Variants in NMT2 observed in about 807,000 individuals in gnomAD.
The protein encoded by NMT2 is glycylpeptide N-tetradecanoyltransferase 2.
Under a neutral mutation model 65.4 loss-of-function variants are expected in NMT2, and 35 were observed. The ratio of observed to expected loss-of-function variants is 0.54; its 90% CI spans 0.41 to 0.71. The LOEUF (loss-of-function observed/expected upper bound fraction) is 0.71. Ranked by LOEUF, NMT2 falls within the 30% of genes least tolerant of loss-of-function variation. NMT2 has a pLI of 0.00. For missense variants in NMT2, 489 were observed against 611.3 expected, an observed-to-expected ratio of 0.80 and a Z score of 2.11; for synonymous variants, 226 against 231.8, an observed-to-expected ratio of 0.98 and a Z score of 0.23.
intron 1 of NMT2, chr10:15,155,372 G>T: frequency 1.3e-6 from 1 of 742,096 alleles, no homozygotes; most frequent in Non-Finnish European, 2.3e-6. Flanking sequence ...AGCCTTTTTT[G>T]TTGTGTTTTT....
At chr10:15,157,619 A>G (rs1006363198) in intron 1 of NMT2, among the ~76,000 whole-genome samples, 6 of 152,214 alleles carry the variant, frequency 3.9e-5, no homozygotes, top group Admixed American at 1.3e-4. Flanking sequence ...AGAAGCAAAA[A>G]AGAAAAAAAC....
intron 8 of NMT2, among the ~76,000 whole-genome samples, chr10:15,123,118 T>C (rs776278048): frequency 6.6e-6 from 1 of 152,118 alleles, no homozygotes; most frequent in Non-Finnish European, 1.5e-5. Flanking sequence ...CTTATAAGCA[T>C]TTTGAACAAA....
chr10:15,155,086 T>G, intron 1 of NMT2: 1 of 1,402,884 alleles, frequency 7.1e-7, no homozygotes. Context: ...AATTTCTCCC[T>G]GTAGACAGAC....
chr10:15,162,251 CAAAAAAA>C (rs35457996), intron 1 of NMT2, among the ~76,000 whole-genome samples: 2 of 68,150 alleles, frequency 2.9e-5, no homozygotes, highest in Admixed American at 1.6e-4. Flanking sequence ...GACCTTGTCT[CAAAAAAA>C]AAAAAAAAAA....
In NMT2 at chr10:15,154,820, AGTG is replaced by A. The variant is rs968136478; in HGVS notation, c.111-13266_111-13264del. On this transcript the variant is annotated intron_variant, in intron 1 of 11. Transcript: ENST00000378165. ...CTTATTAGAGTTGTCCACAGTCAGC[AGTG>A]GTGATCTTCTTCCTGCTCTTGCCAT... 3.9e-6 allele frequency: 3 copies of A among 768,060 alleles called. No homozygotes were observed. The African/African-American group carries it at 5.1e-5, about 13-fold the overall frequency. 47.6% of individuals were successfully genotyped at this position (768,060 alleles called of 1,614,324 possible).
chr10:15,144,730 CAAA>C (rs1156641606), intron 1 of NMT2, among the ~76,000 whole-genome samples: 1 of 137,506 alleles, frequency 7.3e-6, no homozygotes, highest in African/African-American at 2.7e-5. Context: ...GACTCCGTCT[CAAA>C]AAAAAAAAAG....
chr10:15,115,751 A>C (rs1845721726), intron 9 of NMT2, among the ~76,000 whole-genome samples: 1 of 152,242 alleles, frequency 6.6e-6, no homozygotes, highest in Non-Finnish European at 1.5e-5. Flanking sequence ...AAAAGGATGG[A>C]AAAAGTCCAA....
At chr10:15,153,391 C>A (rs1347824580) in intron 1 of NMT2, among the ~76,000 whole-genome samples, 4 of 152,268 alleles carry the variant, frequency 2.6e-5, no homozygotes, top group Non-Finnish European at 5.9e-5. Flanking sequence ...TGCAGAGGCA[C>A]ACATGTGCAC....
At chr10:15,164,804 A>G (rs4748146) in intron 1 of NMT2, among the ~76,000 whole-genome samples, 57,297 of 151,904 alleles carry the variant, frequency 0.38, 11,620 homozygotes, top group African/African-American at 0.53. Context: ...GGCCGAGGCC[A>G]GGGGATCACC....
intron 2 of NMT2, among the ~76,000 whole-genome samples, chr10:15,140,453 T>C (rs753602642): frequency 6.7e-6 from 1 of 150,318 alleles, no homozygotes; most frequent in Non-Finnish European, 1.5e-5. Context: ...GTAGGTACGA[T>C]CATCAAAATC....
chr10:15,162,263 A>AG (rs1279247521), intron 1 of NMT2, among the ~76,000 whole-genome samples: 1 of 151,852 alleles, frequency 6.6e-6, no homozygotes, highest in African/African-American at 2.4e-5. Context: ...AAAAAAAAAA[A>AG]AAAAAAAAAG....
At chr10:15,141,398 G>A (rs1372185253) in intron 2 of NMT2, 24 bp downstream of exon 2, 1 of 1,613,156 alleles carries the variant, frequency 6.2e-7, no homozygotes, top group Non-Finnish European at 8.5e-7. Flanking sequence ...CCACACAGAG[G>A]AAAAAATAAA....
In NMT2 at chr10:15,108,507, G is replaced by GT; in HGVS notation, c.*687dup. On this transcript the variant is annotated 3_prime_UTR_variant, in exon 12 of 12. Coordinates refer to ENST00000378165, the MANE Select transcript of NMT2 (RefSeq NM_004808.3). Reference sequence around the variant, plus strand: ...GCCTCAGGCTCTTTCAGAGAGCACAGTGAGTGCTTGCACAAAACTCTGCTT... The same window carrying GT: ...GCCTCAGGCTCTTTCAGAGAGCACAGTTGAGTGCTTGCACAAAACTCTGCTT... 2.0e-6 allele frequency: 2 copies of GT among 985,676 alleles called. No individual in the cohort carries two copies. Among genetic ancestry groups the GT allele is most frequent in the Non-Finnish European group, 2.4e-6 (2 of 830,144 alleles). 61.1% of individuals were successfully genotyped at this position (985,676 alleles called of 1,614,324 possible).
At chr10:15,158,224 G>A (rs1833066189) in intron 1 of NMT2, among the ~76,000 whole-genome samples, 1 of 151,794 alleles carries the variant, frequency 6.6e-6, no homozygotes, top group East Asian at 1.9e-4. Context: ...GCTGAGGCAG[G>A]AGAATCTCCT....
At chr10:15,120,648 A>G (rs1221890108) in intron 8 of NMT2, among the ~76,000 whole-genome samples, 2 of 152,116 alleles carry the variant, frequency 1.3e-5, no homozygotes, top group African/African-American at 2.4e-5. Context: ...AATACAACTG[A>G]GCAACTTGTT....
Position 15,133,337 on chromosome 10 carries a change from T to C in NMT2, c.418A>G (p.Ile140Val), listed in dbSNP as rs145950604. ...LDEVITSHGA[I>V]EPDKDNVRQE... is the part of the protein sequence containing the mutation. ...CGTACGTTGTCTTTATCTGGTTCAA[T>C]TGCACCATGAGATGTTATGACTTCA... Residue 140 changes from isoleucine (I) to valine (V), a missense_variant, in exon 4 of 12, where the codon ATT becomes GTT. Physicochemically the swap from Ile to Val is conservative, Grantham distance 29. Coordinates refer to ENST00000378165, the MANE Select transcript of NMT2 (RefSeq NM_004808.3). 6,184 of 1,613,646 alleles carry C rather than the reference T, an allele frequency of 3.8e-3. 28 individuals carry two copies. Among genetic ancestry groups the C allele is most frequent in the Non-Finnish European group, 4.5e-3 (5,298 of 1,179,634 alleles).
intron 2 of NMT2, chr10:15,139,883 A>ATATT (rs1277470851): frequency 1.8e-4 from 13 of 73,256 alleles, no homozygotes; most frequent in African/African-American, 1.5e-3. Context: ...ATATATATAT[A>ATATT]TATATATATA....
At chr10:15,154,731 T>C (rs1002817336) in intron 1 of NMT2, 2 of 569,866 alleles carry the variant, frequency 3.5e-6, no homozygotes, top group African/African-American at 3.7e-5. Context: ...GCAAATGGGG[T>C]GGAGGGTGTT....
At chr10:15,151,559 T>A (rs1423946175) in intron 1 of NMT2, among the ~76,000 whole-genome samples, 1 of 152,252 alleles carries the variant, frequency 6.6e-6, no homozygotes, top group East Asian at 1.9e-4. Flanking sequence ...AGAAATATTT[T>A]AAATGCTTTA....
Sources: allele counts gnomAD v4.1 joint callset (sites outside exome capture counted in the v4.1 genomes callset), GRCh38; gene constraint gnomAD v4.1.1; transcripts MANE v1.5; gene names NCBI Gene and HGNC (gene_info 2026-07-23, HGNC 2026-07-21).